Variants in GCNT2 observed in about 807,000 individuals in gnomAD.
The protein encoded by GCNT2 is glucosaminyl (N-acetyl) transferase 2 (I blood group), also known as N-acetyllactosaminide beta-1,6-N-acetylglucosaminyl-transferase.
GCNT2 carries 34 observed loss-of-function variants against 34.2 expected under a neutral mutation model. The ratio of observed to expected loss-of-function variants is 1.00; its 90% CI spans 0.76 to 1.32. The LOEUF is 1.32. Among genes scored for constraint, GCNT2 ranks in the 40% most tolerant of loss-of-function variants. The probability of loss-of-function intolerance (pLI) is 0.00; values close to 1 mark genes in which losing one functional copy is unlikely to be tolerated. For missense variants in GCNT2, 584 were observed against 489.4 expected (o/e 1.19, Z -1.82); for synonymous variants, 212 against 188.0 (o/e 1.13, Z -1.04).
chr6:10,600,652 A>G lies in GCNT2; in HGVS notation c.926-20699A>G, dbSNP rs113661500. ...TTTATCATAGCGTATGTAGCCATTG[A>G]GGGCTGAGAAAGCGCTGCTGCTTCT... On this transcript the variant is annotated intron_variant, in intron 3 of 4. Transcript: ENST00000495262. 1.5e-3 allele frequency among the ~76,000 whole-genome samples: 231 copies of G among 152,282 alleles called. 1 individual carries two copies. Among genetic ancestry groups the G allele is most frequent in the South Asian group, 0.013 (63 of 4,826 alleles).
chr6:10,586,316 C>G, intron 3 of GCNT2: 1 of 1,614,156 alleles, frequency 6.2e-7, no homozygotes, highest in Non-Finnish European at 8.5e-7. Context: ...ACTTTGACAC[C>G]TTTGAAAGGC....
At chr6:10,545,911 G>A (rs562886424) in intron 3 of GCNT2, among the ~76,000 whole-genome samples, 1 of 152,268 alleles carries the variant, frequency 6.6e-6, no homozygotes, top group African/African-American at 2.4e-5. Context: ...CAAGATGTGG[G>A]GCCTGAAAGT....
chr6:10,562,638 CAG>C (rs1261280561), intron 3 of GCNT2, among the ~76,000 whole-genome samples: 4 of 115,688 alleles, frequency 3.5e-5, no homozygotes, highest in East Asian at 5.5e-4. Context: ...GATCACTTGA[CAG>C]AGTCAGAACT....
At chr6:10,612,943 T>C (rs1056179511) in intron 3 of GCNT2, among the ~76,000 whole-genome samples, 5 of 152,250 alleles carry the variant, frequency 3.3e-5, no homozygotes, top group African/African-American at 1.2e-4. Flanking sequence ...TGTTTCTAAA[T>C]TGATTTTCTA....
chr6:10,588,371 C>T (rs1413564977), intron 3 of GCNT2, among the ~76,000 whole-genome samples: 2 of 149,324 alleles, frequency 1.3e-5, no homozygotes, highest in Admixed American at 6.6e-5. Flanking sequence ...TAGCCTACAT[C>T]GTTCCTTTTA....
chr6:10,610,464 A>G (rs144037264), intron 3 of GCNT2, among the ~76,000 whole-genome samples: 3 of 152,324 alleles, frequency 2.0e-5, no homozygotes, highest in Non-Finnish European at 4.4e-5. Flanking sequence ...CAGGCGGCCA[A>G]TGGACCATGT....
chr6:10,564,476 G>A (rs1197619171), intron 3 of GCNT2, among the ~76,000 whole-genome samples: 1 of 152,144 alleles, frequency 6.6e-6, no homozygotes, highest in African/African-American at 2.4e-5. Context: ...AAGGGCTCAG[G>A]CTCCAGAGTC....
intron 3 of GCNT2, among the ~76,000 whole-genome samples, chr6:10,539,783 G>T (rs1016882718): frequency 6.6e-6 from 1 of 152,198 alleles, no homozygotes; most frequent in Non-Finnish European, 1.5e-5. Context: ...TCTAATTTTT[G>T]GTTAGAAATC....
intron 3 of GCNT2, among the ~76,000 whole-genome samples, chr6:10,532,914 C>CTTTTTTTT (rs67442555): frequency 4.7e-5 from 4 of 85,408 alleles, no homozygotes; most frequent in African/African-American, 9.2e-5. Context: ...GTGGTTTTTG[C>CTTTTTTTT]TTTTTTTTTT....
At chr6:10,539,638 TGGAGAG>T (rs1481030265) in intron 3 of GCNT2, among the ~76,000 whole-genome samples, 1 of 117,870 alleles carries the variant, frequency 8.5e-6, no homozygotes, top group Admixed American at 8.1e-5. Flanking sequence ...ACTCATTAAA[TGGAGAG>T]AGAGAGAGAA....
At chr6:10,540,613 T>C (rs1272625063) in intron 3 of GCNT2, among the ~76,000 whole-genome samples, 1 of 152,112 alleles carries the variant, frequency 6.6e-6, no homozygotes, top group Admixed American at 6.6e-5. Context: ...GACCTAGACT[T>C]TTATCCAGCT....
At chr6:10,527,411 G>A (rs903586533) in intron 1 of GCNT2, 63 bp from the exon 2 acceptor site, 3 of 152,286 alleles carry the variant, frequency 2.0e-5, no homozygotes, top group African/African-American at 7.2e-5. Flanking sequence ...GGCAACGAGA[G>A]CGAAACTCCG....
Position 10,529,339 on chromosome 6 carries a change from TACTC to T in GCNT2, c.430_433del (p.Leu144AlafsTer27). On this transcript the variant is annotated frameshift_variant, in exon 3 of 5. Coordinates refer to ENST00000495262, the MANE Select transcript of GCNT2 (RefSeq NM_145649.5). LOFTEE classifies it high-confidence loss of function. ...GCCTTTAAAGGTGCAGTGAAACAGT[TACTC>T]AGCTGCTTCCCAAATGCTTTTCTGG... The T allele has an allele frequency of 1.2e-6, 2 of 1,614,038 alleles. No homozygotes were observed. The highest frequency in any genetic ancestry group is 1.7e-6 in the Non-Finnish European group (2 of 1,180,012).
chr6:10,540,960 G>A (rs1163233650), intron 3 of GCNT2, among the ~76,000 whole-genome samples: 1 of 152,146 alleles, frequency 6.6e-6, no homozygotes, highest in Non-Finnish European at 1.5e-5. Context: ...GCTAGGGTCA[G>A]TATCAATTAC....
At chr6:10,616,464 C>T (rs753239863) in intron 3 of GCNT2, among the ~76,000 whole-genome samples, 1 of 152,214 alleles carries the variant, frequency 6.6e-6, no homozygotes, top group Non-Finnish European at 1.5e-5. Flanking sequence ...GCTGATTGGT[C>T]TGTTTTACAG....
Position 10,534,236 on chromosome 6 carries a change from G to T in GCNT2, c.925+4400G>T, listed in dbSNP as rs535449992. ...GGCTCACTGCAACCTCCTCCTCCTG[G>T]GTTCAAGCAATTCTCCTGTCTCAGC... On this transcript the variant is annotated intron_variant, in intron 3 of 4. Transcript: ENST00000495262. Among the ~76,000 whole-genome samples the T allele has an allele frequency of 7.3e-5, 11 of 149,934 alleles. No individual in the cohort carries two copies. The East Asian group carries it at 2.2e-3, about 30-fold the overall frequency.
rs780197438 is a variant in GCNT2 at position 10,586,664 on chromosome 6, A to T, written c.926-34687A>T. On this transcript the variant is annotated intron_variant, in intron 3 of 4. Transcript: ENST00000495262. Reference sequence around the variant, plus strand: ...CAGGGGTGCTGCCTCCTGACCATGCAATTAAGCGAACTAAATATGTCCACC... The same window carrying T: ...CAGGGGTGCTGCCTCCTGACCATGCTATTAAGCGAACTAAATATGTCCACC... 1.2e-5 allele frequency: 20 copies of T among 1,614,198 alleles called. No individual in the cohort carries two copies. The South Asian group carries it at 2.2e-4, about 18-fold the overall frequency.
chr6:10,621,685 A>T, intron 4 of GCNT2: 2 of 470,688 alleles, frequency 4.2e-6, no homozygotes, highest in Non-Finnish European at 7.8e-6. Flanking sequence ...TCAGGGCGGC[A>T]TGTTTTTCTT....
At chr6:10,570,030 G>A (rs928399007) in intron 3 of GCNT2, among the ~76,000 whole-genome samples, 6 of 150,926 alleles carry the variant, frequency 4.0e-5, no homozygotes, top group African/African-American at 1.2e-4. Flanking sequence ...AGTGCATGGC[G>A]TGATCACGGC....
Sources: gnomAD v4.1 joint callset for allele counts (sites outside exome capture counted in the v4.1 genomes callset) on GRCh38, gnomAD v4.1.1 for gene constraint, MANE v1.5 for transcripts, NCBI Gene and HGNC (gene_info 2026-07-23, HGNC 2026-07-21) for gene names.